MBNL1: variants seen among roughly 807,000 people sequenced by gnomAD.
The protein encoded by MBNL1 is muscleblind like splicing regulator 1, also known as muscleblind-like protein 1.
MBNL1 carries 8 observed loss-of-function variants against 42.2 expected under a neutral mutation model. That is an observed-to-expected ratio of 0.19 (90% CI 0.11 to 0.34). The LOEUF (loss-of-function observed/expected upper bound fraction) is 0.34. Ranked by LOEUF, MBNL1 falls within the 10% of genes least tolerant of loss-of-function variation. MBNL1 has a pLI of 1.00. For synonymous variants in MBNL1, 169 were observed against 173.9 expected (o/e 0.97, Z 0.22); for missense variants, 309 against 495.3 (o/e 0.62, Z 3.57).
intron 2 of MBNL1, among the ~76,000 whole-genome samples, chr3:152,342,462 T>A (rs762986162): frequency 2.6e-5 from 4 of 151,996 alleles, no homozygotes; most frequent in Non-Finnish European, 5.9e-5. Flanking sequence ...AAATTATTGA[T>A]GTTATTATGT....
chr3:152,253,607 G>A (rs1264098195), intron 2 of MBNL1, among the ~76,000 whole-genome samples: 1 of 151,892 alleles, frequency 6.6e-6, no homozygotes, highest in South Asian at 2.1e-4. Flanking sequence ...ATATGTCTTT[G>A]TGTCTTCTCT....
chr3:152,345,746 C>T (rs990942945), intron 2 of MBNL1, among the ~76,000 whole-genome samples: 1 of 152,096 alleles, frequency 6.6e-6, no homozygotes, highest in Admixed American at 6.6e-5. Flanking sequence ...AAAGCATTGG[C>T]TCTAGAGCCA....
chr3:152,370,189 G>T (rs914257090), intron 2 of MBNL1, among the ~76,000 whole-genome samples: 3 of 152,158 alleles, frequency 2.0e-5, no homozygotes, highest in Admixed American at 1.3e-4. Flanking sequence ...GTGTCCTAGA[G>T]ATTCTGGTAC....
intron 2 of MBNL1, among the ~76,000 whole-genome samples, chr3:152,344,452 C>T (rs13059175): frequency 0.31 from 47,568 of 151,980 alleles, 7,816 homozygotes; most frequent in East Asian, 0.53. Context: ...GCCAGAGACA[C>T]TGGTACCTTG....
chr3:152,346,074 G>C (rs570631524), intron 2 of MBNL1, among the ~76,000 whole-genome samples: 2 of 152,226 alleles, frequency 1.3e-5, no homozygotes, highest in African/African-American at 4.8e-5. Flanking sequence ...AAGTACAACT[G>C]TAAGTCAGTG....
intron 3 of MBNL1, among the ~76,000 whole-genome samples, chr3:152,421,777 T>C (rs553322632): frequency 8.2e-4 from 125 of 152,236 alleles, no homozygotes; most frequent in Non-Finnish European, 1.6e-3. Flanking sequence ...AGGGCCAATA[T>C]TCAACATTCT....
At chr3:152,308,062 C>T (rs1470561228) in intron 2 of MBNL1, among the ~76,000 whole-genome samples, 1 of 152,116 alleles carries the variant, frequency 6.6e-6, no homozygotes, top group African/African-American at 2.4e-5. Context: ...CATAAAAAGC[C>T]ATATTCAAAA....
At chr3:152,327,254 CT>C (rs2080987309) in intron 2 of MBNL1, among the ~76,000 whole-genome samples, 1 of 151,958 alleles carries the variant, frequency 6.6e-6, no homozygotes, top group African/African-American at 2.4e-5. Flanking sequence ...AATTTATTTA[CT>C]CAGAAGATAT....
chr3:152,456,348 C>G lies in MBNL1; in HGVS notation c.1079C>G (p.Ala360Gly). ...ACAAGTGTTCCCTTCGCTGCAACAG[C>G]CACAGCCAACCAGGTTTGCTAATTT... ...SATSVPFAAT[A>G]TANQIPIISA... Residue 360 changes from alanine to glycine, a missense_variant, in exon 8 of 10, where the codon GCC (alanine) becomes GGC (glycine). Coordinates refer to ENST00000324210, the MANE Select transcript of MBNL1 (RefSeq NM_021038.5). The G allele has an allele frequency of 6.2e-7, 1 of 1,613,814 alleles. No homozygotes were observed. The highest frequency in any genetic ancestry group is 8.5e-7 in the Non-Finnish European group (1 of 1,179,724).
rs1560034695 is a variant in MBNL1, at chr3:152,296,704, T to TC, written c.-789-2700dup. Among the ~76,000 whole-genome samples, 490 of 143,840 alleles carry TC rather than the reference T, an allele frequency of 3.4e-3. 3 individuals carry two copies. Among genetic ancestry groups the TC allele is most frequent in the African/African-American group, 0.011 (465 of 40,604 alleles). The allele number at this position is 143,840 out of a possible 152,430, so 94.4% of individuals were successfully genotyped here. A position where few individuals can be genotyped will look rare whatever the true frequency, so the allele number is the denominator to read the frequency against. ...TGTGTGTGTGTGTGTGTGTGTGTTT[T>TC]CAAATGTATGTTTCAGTGTGTTCAT... On this transcript the variant is annotated intron_variant, in intron 1 of 9. Transcript: ENST00000324210.
At chr3:152,446,426 T>C (rs943378405) in intron 5 of MBNL1, among the ~76,000 whole-genome samples, 1 of 152,140 alleles carries the variant, frequency 6.6e-6, no homozygotes, top group Non-Finnish European at 1.5e-5. Context: ...CTCTCTTCCT[T>C]TCACTCTTTT....
chr3:152,282,585 A>G (rs2049117155), intron 1 of MBNL1, among the ~76,000 whole-genome samples: 1 of 152,118 alleles, frequency 6.6e-6, no homozygotes, highest in African/African-American at 2.4e-5. Flanking sequence ...AAATTTAGAC[A>G]TCTCTCAATT....
chr3:152,325,745 T>TAA (rs569447201), intron 2 of MBNL1, among the ~76,000 whole-genome samples: 6 of 138,934 alleles, frequency 4.3e-5, no homozygotes, highest in Non-Finnish European at 6.3e-5. Flanking sequence ...TTAGAAATAT[T>TAA]AAAAAAAAAA....
intron 1 of MBNL1, among the ~76,000 whole-genome samples, chr3:152,280,154 GAA>G (rs1323780019): frequency 6.6e-6 from 1 of 152,044 alleles, no homozygotes; most frequent in Non-Finnish European, 1.5e-5. Flanking sequence ...CCCTTTGGAG[GAA>G]AAAGAGGTAA....
chr3:152,292,520 C>T (rs906116858), intron 1 of MBNL1, among the ~76,000 whole-genome samples: 3 of 152,162 alleles, frequency 2.0e-5, no homozygotes, highest in African/African-American at 7.2e-5. Flanking sequence ...TACTTATTTG[C>T]GTTAGTAAAC....
chr3:152,332,773 A>G (rs2086132857), intron 2 of MBNL1, among the ~76,000 whole-genome samples: 1 of 148,452 alleles, frequency 6.7e-6, no homozygotes, highest in Admixed American at 6.7e-5. Context: ...AGTTTATATT[A>G]GGTTAGAGTT....
intron 2 of MBNL1, among the ~76,000 whole-genome samples, chr3:152,356,821 T>A (rs1222548085): frequency 1.3e-5 from 2 of 151,378 alleles, no homozygotes; most frequent in Non-Finnish European, 2.9e-5. Context: ...TTACTTTTAT[T>A]CTGTATTCCA....
chr3:152,308,577 C>T (rs1052114653), intron 2 of MBNL1, among the ~76,000 whole-genome samples: 80 of 152,182 alleles, frequency 5.3e-4, no homozygotes, highest in African/African-American at 1.9e-3. Flanking sequence ...GGGAAGGTGT[C>T]GTCAATATGT....
intron 2 of MBNL1, 56 bp downstream of exon 2, chr3:152,300,423 G>A (rs2060233163): frequency 1.4e-6 from 2 of 1,399,644 alleles, no homozygotes; most frequent in African/African-American, 2.8e-5. Context: ...AGGGGTATAT[G>A]GACATACAGT....
Sources: allele counts gnomAD v4.1 joint callset (sites outside exome capture counted in the v4.1 genomes callset), GRCh38; gene constraint gnomAD v4.1.1; transcripts MANE v1.5; gene names NCBI Gene and HGNC (gene_info 2026-07-23, HGNC 2026-07-21).